The following FOXK2 variants were observed in gnomAD, a reference collection of about 807,000 sequenced individuals.
FOXK2 encodes forkhead box K2.
FOXK2 carries 24 observed loss-of-function variants against 53.3 expected under a neutral mutation model. That is an observed-to-expected ratio of 0.45 (90% CI 0.33 to 0.63). The LOEUF (loss-of-function observed/expected upper bound fraction) is 0.63. Ranked by LOEUF, FOXK2 falls within the 30% of genes least tolerant of loss-of-function variation. The pLI is 0.03. For synonymous variants in FOXK2, 505 were observed against 407.1 expected, an observed-to-expected ratio of 1.24 and a Z score of -2.89; for missense variants, 952 against 910.5, an observed-to-expected ratio of 1.05 and a Z score of -0.59.
At chr17:82,568,481 C>T (rs878823) in intron 3 of FOXK2, among the ~76,000 whole-genome samples, 39,518 of 152,114 alleles carry the variant, frequency 0.26, 5,463 homozygotes, top group East Asian at 0.39. Flanking sequence ...GGAGGAGTAC[C>T]TTGGTCTTTG....
At chr17:82,524,131 C>T (rs184497243) in intron 1 of FOXK2, among the ~76,000 whole-genome samples, 151 of 152,172 alleles carry the variant, frequency 9.9e-4, no homozygotes, top group Non-Finnish European at 8.5e-4. Flanking sequence ...TCAGGTGATC[C>T]GTCCCGCCTC....
chr17:82,527,427 G>A (rs759015762), intron 1 of FOXK2, among the ~76,000 whole-genome samples: 6 of 152,180 alleles, frequency 3.9e-5, no homozygotes, highest in Non-Finnish European at 8.8e-5. Flanking sequence ...TCAGGAGTTC[G>A]AGATCAGCCT....
intron 4 of FOXK2, among the ~76,000 whole-genome samples, chr17:82,581,432 T>G (rs916537392): frequency 2.0e-5 from 3 of 151,094 alleles, no homozygotes; most frequent in African/African-American, 7.3e-5. Context: ...CCTTAGTAGC[T>G]GGGACTACAG....
chr17:82,522,514 AC>A (rs2044373623), intron 1 of FOXK2, among the ~76,000 whole-genome samples: 1 of 145,398 alleles, frequency 6.9e-6, no homozygotes, highest in South Asian at 2.2e-4. Flanking sequence ...GACTACAGGC[AC>A]CCGCCACTAC....
chr17:82,586,548 C>CCG (rs113255929), intron 7 of FOXK2, among the ~76,000 whole-genome samples: 2 of 57,594 alleles, frequency 3.5e-5, no homozygotes, highest in East Asian at 4.7e-4. Flanking sequence ...CAAAGGTAGG[C>CCG]GGAGGGGAAA....
chr17:82,586,991 A>G, intron 7 of FOXK2, 72 bp from the exon 8 acceptor site: 1 of 1,407,976 alleles, frequency 7.1e-7, no homozygotes, highest in Non-Finnish European at 1.0e-6. Context: ...TCTGGTTATT[A>G]TGTTTTAAAC....
In FOXK2 at chr17:82,572,156, G is replaced by C. The variant is rs1598218957; in HGVS notation, c.909+286G>C. ...AGGATTTGTGAAGTGTGGATTGTTT[G>C]AGATATTTCCCTTTGACCAATGCAG... On this transcript the variant is annotated intron_variant, in intron 4 of 8. Coordinates refer to ENST00000335255, the MANE Select transcript of FOXK2 (RefSeq NM_004514.4). 2.0e-5 allele frequency: 6 copies of C among 300,304 alleles called. No homozygotes were observed. In the East Asian group the frequency reaches 3.3e-4, roughly 17 times the overall value. The allele number at this position is 300,304 out of a possible 1,614,324, so 18.6% of individuals were successfully genotyped here.
rs1405357044 is a variant in FOXK2, at chr17:82,586,021, C to T, written c.1397C>T (p.Pro466Leu). The T allele has an allele frequency of 6.2e-7, 1 of 1,612,850 alleles. No individual in the cohort carries two copies. The highest frequency in any genetic ancestry group is 1.1e-5 in the South Asian group (1 of 91,090). Residue 466 changes from proline (P) to leucine (L), a missense_variant, in exon 7 of 9, where the codon CCC (proline) becomes CTC (leucine). Transcript: ENST00000335255. Reference sequence around the variant, plus strand: ...GTGACCACCTCGACCTCCCAGCCACCCGTCGTGCAGACGGTTCACGTCGTC... The same window carrying T: ...GTGACCACCTCGACCTCCCAGCCACTCGTCGTGCAGACGGTTCACGTCGTC... The part of the protein sequence containing the change: ...TPVTTSTSQP[P>L]VVQTVHVVHQ...
At chr17:82,546,547 G>T (rs1208700059) in intron 1 of FOXK2, among the ~76,000 whole-genome samples, 1 of 152,188 alleles carries the variant, frequency 6.6e-6, no homozygotes, top group African/African-American at 2.4e-5. Context: ...TGCAGGTCCC[G>T]AGTGGAGGGA....
chr17:82,570,050 G>A (rs1025393709), intron 3 of FOXK2, among the ~76,000 whole-genome samples: 54 of 151,088 alleles, frequency 3.6e-4, no homozygotes, highest in African/African-American at 1.3e-3. Context: ...GTGAAATCCC[G>A]TCTGTACTAA....
intron 1 of FOXK2, among the ~76,000 whole-genome samples, chr17:82,543,059 T>G (rs2044589284): frequency 6.6e-6 from 1 of 152,178 alleles, no homozygotes; most frequent in South Asian, 2.1e-4. Flanking sequence ...AAAAGTAGAA[T>G]AAGTTAAACT....
intron 6 of FOXK2, 80 bp from the exon 7 acceptor site, chr17:82,585,824 C>T: frequency 1.4e-6 from 2 of 1,410,340 alleles, no homozygotes; most frequent in Non-Finnish European, 2.0e-6. Flanking sequence ...TTGTATGTTG[C>T]TTGTCAGTGC....
intron 1 of FOXK2, among the ~76,000 whole-genome samples, chr17:82,556,732 T>C (rs983929257): frequency 5.3e-5 from 8 of 152,102 alleles, no homozygotes; most frequent in Admixed American, 2.0e-4. Flanking sequence ...ACGGAGTCTT[T>C]GTCACCCAGG....
Position 82,563,528 on chromosome 17 carries a change from C to G in FOXK2, c.594C>G (p.Pro198=), listed in dbSNP as rs535971348. The G allele has an allele frequency of 1.9e-6, 3 of 1,613,822 alleles. No individual in the cohort carries two copies. The South Asian group carries it at 3.3e-5, about 18-fold the overall frequency. ...DTMAHLISPL[P]SPTGTISAAN... is the part of the protein sequence containing the mutation. ...TGGCCCACCTCATCAGCCCTCTGCC[C>G]TCCCCCACGGGAACCATCAGGTGCG... The change falls in exon 2 of 9, where the codon CCC becomes CCG. Residue 198 remains proline, a synonymous_variant. Coordinates refer to ENST00000335255, the MANE Select transcript of FOXK2 (RefSeq NM_004514.4).
At chr17:82,562,437 G>A (rs763587837) in intron 1 of FOXK2, among the ~76,000 whole-genome samples, 4 of 152,084 alleles carry the variant, frequency 2.6e-5, no homozygotes, top group Non-Finnish European at 4.4e-5. Context: ...GAAATTAGCC[G>A]GGCGTGGTAG....
intron 1 of FOXK2, among the ~76,000 whole-genome samples, chr17:82,557,488 C>T (rs774104837): frequency 1.5e-4 from 23 of 152,056 alleles, no homozygotes; most frequent in Non-Finnish European, 2.5e-4. Flanking sequence ...GGATTACATG[C>T]GCGTGCCACC....
chr17:82,577,699 C>G (rs1293084325), intron 4 of FOXK2, among the ~76,000 whole-genome samples: 1 of 152,210 alleles, frequency 6.6e-6, no homozygotes, highest in East Asian at 1.9e-4. Context: ...GCCTCTCAGC[C>G]TCCAAAGGGA....
chr17:82,583,350 G>C (rs2045087964), intron 5 of FOXK2, among the ~76,000 whole-genome samples: 1 of 152,208 alleles, frequency 6.6e-6, no homozygotes, highest in South Asian at 2.1e-4. Flanking sequence ...GTCGAGATCA[G>C]CCTGGCCAAT....
At chr17:82,526,362 G>C (rs941828950) in intron 1 of FOXK2, among the ~76,000 whole-genome samples, 1 of 152,188 alleles carries the variant, frequency 6.6e-6, no homozygotes, top group Non-Finnish European at 1.5e-5. Flanking sequence ...TGAGAGGGCT[G>C]TTGTCTCCAG....
Sources: gnomAD v4.1 joint callset for allele counts (sites outside exome capture counted in the v4.1 genomes callset) on GRCh38, gnomAD v4.1.1 for gene constraint, MANE v1.5 for transcripts, NCBI Gene and HGNC (gene_info 2026-07-23, HGNC 2026-07-21) for gene names.